HNRNPF: variants seen among roughly 807,000 people sequenced by gnomAD.
HNRNPF encodes the protein heterogeneous nuclear ribonucleoprotein F, also known as HnRNP F protein.
In HNRNPF, 2 loss-of-function variants were observed where a neutral mutation model predicts 26.0. The observed-to-expected ratio is 0.08, with a 90% confidence interval of 0.03 to 0.24. HNRNPF has a LOEUF of 0.24. Ranked by LOEUF, HNRNPF falls within the 10% of genes least tolerant of loss-of-function variation. HNRNPF has a pLI of 1.00. For synonymous variants in HNRNPF, 234 were observed against 211.5 expected, an observed-to-expected ratio of 1.11 and a Z score of -0.92; for missense variants, 299 against 539.2, an observed-to-expected ratio of 0.55 and a Z score of 4.41.
At chr10:43,402,868 G>A (rs1838795876) in intron 1 of HNRNPF, among the ~76,000 whole-genome samples, 1 of 151,114 alleles carries the variant, frequency 6.6e-6, no homozygotes. Flanking sequence ...GTCTTAATCT[G>A]TCATGCCTTT....
rs763266513 is a variant in HNRNPF, at chr10:43,387,060, T to A, written c.825A>T (p.Arg275Ser). 1 of 1,612,972 alleles carries A rather than the reference T, an allele frequency of 6.2e-7. No homozygotes were observed. The highest frequency in any genetic ancestry group is 8.5e-7 in the Non-Finnish European group (1 of 1,180,016). The change falls in exon 4 of 4, where the codon AGA (arginine) becomes AGT (serine). Residue 275 changes from arginine (R) to serine (S), a missense_variant. Physicochemically the swap from Arg to Ser is moderately radical, Grantham distance 110. Coordinates refer to ENST00000682386, the MANE Select transcript of HNRNPF (RefSeq NM_001098204.2). The surrounding 1 kb of genome is among the most constrained non-coding windows in gnomAD (Gnocchi z 6.0). The stretch of plus-strand genomic sequence containing the variant: ...GCACTGTGAACTCACTGTCGCCGTA[T>A]CTGTGGTCATACATTCCGGAGAGAC... ...SYCLSGMYDHRYGDSEFTVQS... is the reference protein window; with the variant it reads ...SYCLSGMYDHSYGDSEFTVQS...
In HNRNPF at chr10:43,386,790, T is replaced by C. The variant is rs1434983461; in HGVS notation, c.1095A>G (p.Thr365=). ...RYIELFLNST[T]GASNGAYSSQ... ...TGCTATACGCCCCATTGCTGGCCCC[T>C]GTTGTTGAATTCAAGAAGAGTTCTA... The change falls in exon 4 of 4, where the codon ACA becomes ACG. Residue 365 remains threonine (T), a synonymous_variant. Coordinates refer to ENST00000682386, the MANE Select transcript of HNRNPF (RefSeq NM_001098204.2). 52 of 1,614,004 alleles carry C rather than the reference T, an allele frequency of 3.2e-5. No homozygotes were observed. Among genetic ancestry groups the C allele is most frequent in the Non-Finnish European group, 4.1e-5 (48 of 1,180,028 alleles).
At chr10:43,397,893 G>A (rs1411800255) in intron 1 of HNRNPF, among the ~76,000 whole-genome samples, 1 of 152,200 alleles carries the variant, frequency 6.6e-6, no homozygotes, top group Non-Finnish European at 1.5e-5. Context: ...GAATGTTTCA[G>A]ATTACGTGGA....
chr10:43,406,152 C>G (rs1838911688), intron 1 of HNRNPF, among the ~76,000 whole-genome samples: 1 of 152,158 alleles, frequency 6.6e-6, no homozygotes, highest in African/African-American at 2.4e-5. Flanking sequence ...TCCCGAAGAG[C>G]AGAGAACCAG....
chr10:43,399,267 T>C (rs1299138075), intron 1 of HNRNPF, among the ~76,000 whole-genome samples: 1 of 152,116 alleles, frequency 6.6e-6, no homozygotes, highest in African/African-American at 2.4e-5. Context: ...TTTAATTTTT[T>C]AGTAGAGGCA....
chr10:43,386,956 G>A lies in HNRNPF; in HGVS notation c.929C>T (p.Ser310Phe). 6.2e-7 allele frequency: 1 copy of A among 1,614,200 alleles called. No individual in the cohort carries two copies. The highest frequency in any genetic ancestry group is 8.5e-7 in the Non-Finnish European group (1 of 1,180,030). Residue 310 changes from serine (S) to phenylalanine (F), a missense_variant, in exon 4 of 4, where the codon TCT (serine) becomes TTT (phenylalanine). Physicochemically the swap from Ser to Phe is radical, Grantham distance 155. This residue lies in a region of HNRNPF where 36 missense variants were observed against 93.8 expected (regional missense o/e 0.38). Transcript: ENST00000682386. ...ATENDIYNFFSPLNPVRVHIE... is the reference protein window; with the variant it reads ...ATENDIYNFFFPLNPVRVHIE... ...ATGGACTCTCACAGGGTTGAGAGGA[G>A]AGAAGAAGTTGTAAATGTCGTTCTC...
chr10:43,395,753 C>T (rs1838466174), intron 2 of HNRNPF, among the ~76,000 whole-genome samples: 2 of 152,150 alleles, frequency 1.3e-5, no homozygotes, highest in Non-Finnish European at 2.9e-5. Flanking sequence ...CCACTTATGC[C>T]CTTGTTTATC....
intron 1 of HNRNPF, among the ~76,000 whole-genome samples, chr10:43,407,309 C>T (rs1378070881): frequency 6.6e-6 from 1 of 151,836 alleles, no homozygotes; most frequent in Non-Finnish European, 1.5e-5. Context: ...CGGCCCGAGC[C>T]CCCAGCGCCC....
At chr10:43,394,886 C>G (rs1838405985) in intron 2 of HNRNPF, among the ~76,000 whole-genome samples, 198 bp from the exon 3 acceptor site, 2 of 152,080 alleles carry the variant, frequency 1.3e-5, no homozygotes, top group Non-Finnish European at 2.9e-5. Flanking sequence ...CAGAGCACAA[C>G]AAAAGGGAAA....
rs1258978839 is a variant in HNRNPF at position 43,387,871 on chromosome 10, G to T, written c.14C>A (p.Pro5His). MMLG[P>H]EGGEGFVVKL... ...GACCACAAAGCCTTCACCTCCCTCA[G>T]GGCCCAGCATCATGGACACTTGTCA... Residue 5 changes from proline to histidine, a missense_variant, in exon 4 of 4, where the codon CCT becomes CAT. Around this residue, in one of 6 missense-constraint regions of HNRNPF, gnomAD observed 104 missense variants for 239.0 expected, o/e 0.44. Coordinates refer to ENST00000682386, the MANE Select transcript of HNRNPF (RefSeq NM_001098204.2). The surrounding 1 kb of genome is among the most constrained non-coding windows in gnomAD (Gnocchi z 6.0). 4 of 1,609,092 alleles carry T rather than the reference G, an allele frequency of 2.5e-6. No individual in the cohort carries two copies. The highest frequency in any genetic ancestry group is 3.4e-6 in the Non-Finnish European group (4 of 1,175,964).
In HNRNPF at chr10:43,403,342, C is replaced by T. The variant is rs557221640; in HGVS notation, c.-247+5789G>A. Among the ~76,000 whole-genome samples the T allele has an allele frequency of 2.0e-5, 3 of 152,272 alleles. No homozygotes were observed. In the East Asian group the frequency reaches 5.8e-4, roughly 29 times the overall value. On this transcript the variant is annotated intron_variant, in intron 1 of 3. Coordinates refer to ENST00000682386, the MANE Select transcript of HNRNPF (RefSeq NM_001098204.2). ...ATTTTCAAGAGATCTTTTTCCTAGC[C>T]CCAGCCCATATAGTTATCTGAACTT...
chr10:43,386,471 G>A lies in HNRNPF; in HGVS notation c.*166C>T, dbSNP rs1457866355. ...GTTTACTCATTATCACATGCTAGAA[G>A]AAAATTTTGCATGAGAAAACACTGA... is the stretch of plus-strand genomic sequence containing the variant. On this transcript the variant is annotated 3_prime_UTR_variant, in exon 4 of 4. Transcript: ENST00000682386. 6.3e-6 allele frequency: 4 copies of A among 634,466 alleles called. No homozygotes were observed. The highest frequency in any genetic ancestry group is 1.1e-5 in the Non-Finnish European group (4 of 379,772). The allele number at this position is 634,466 out of a possible 1,614,324, so 39.3% of individuals were successfully genotyped here.
chr10:43,399,521 C>T (rs939402981), intron 1 of HNRNPF, among the ~76,000 whole-genome samples: 2 of 152,124 alleles, frequency 1.3e-5, no homozygotes, highest in Admixed American at 6.6e-5. Context: ...GATGACATAG[C>T]CTTAAAGGCC....
At chr10:43,406,033 C>T (rs1426879197) in intron 1 of HNRNPF, among the ~76,000 whole-genome samples, 2 of 152,178 alleles carry the variant, frequency 1.3e-5, no homozygotes, top group East Asian at 1.9e-4. Context: ...TCCATTTTCT[C>T]ATCTGAAACA....
rs1013472603 is a variant in HNRNPF, at chr10:43,385,706, A to G, written c.*931T>C. 13 of 152,248 alleles carry G rather than the reference A, an allele frequency of 8.5e-5. No individual in the cohort carries two copies. The highest frequency in any genetic ancestry group is 2.9e-4 in the African/African-American group (12 of 41,468). 9.4% of individuals were successfully genotyped at this position (152,248 alleles called of 1,614,324 possible). On this transcript the variant is annotated 3_prime_UTR_variant, in exon 4 of 4. Coordinates refer to ENST00000682386, the MANE Select transcript of HNRNPF (RefSeq NM_001098204.2). ...TGAAACTAAAGTTCTCCAGCTATCA[A>G]CAGATGTGACTCCAGCATCAAGGGC... is the stretch of plus-strand genomic sequence containing the variant.
At position 43,408,197 on chromosome 10, in the gene HNRNPF, G is replaced by T. The variant is rs563487384; in HGVS notation, c.-247+934C>A. On this transcript the variant is annotated intron_variant, in intron 1 of 3. Transcript: ENST00000682386. ...CTGGGCCTCCCACTGCGCCAGGCCT[G>T]TTCTCACTTTCAGAGCCCTCCGGCA... Among the ~76,000 whole-genome samples the T allele has an allele frequency of 1.6e-4, 24 of 152,290 alleles. No individual in the cohort carries two copies. In the South Asian group the frequency reaches 5.0e-3, roughly 32 times the overall value.
chr10:43,400,569 G>C (rs561919185), intron 1 of HNRNPF, among the ~76,000 whole-genome samples: 1 of 152,226 alleles, frequency 6.6e-6, no homozygotes, highest in African/African-American at 2.4e-5. Context: ...GGCCTCAAAA[G>C]TATCTTCCAA....
intron 2 of HNRNPF, 125 bp downstream of exon 2, chr10:43,396,331 G>A (rs1277587726): frequency 6.6e-6 from 1 of 152,320 alleles, no homozygotes; most frequent in Non-Finnish European, 1.5e-5. Context: ...CCGGGAAACC[G>A]GGCAGCACTC....
chr10:43,402,201 G>A (rs1435152702), intron 1 of HNRNPF, among the ~76,000 whole-genome samples: 2 of 152,042 alleles, frequency 1.3e-5, no homozygotes, highest in African/African-American at 2.4e-5. Flanking sequence ...AAAGGAAAAC[G>A]AAGTAGAATA....
Sources: allele counts gnomAD v4.1 joint callset (sites outside exome capture counted in the v4.1 genomes callset), GRCh38; gene constraint gnomAD v4.1.1; regional missense constraint gnomAD v4.1.1; non-coding constraint Gnocchi (gnomAD v3.1); transcripts MANE v1.5; gene names NCBI Gene and HGNC (gene_info 2026-07-23, HGNC 2026-07-21).